Variants in LRGUK observed in about 807,000 individuals in gnomAD.
LRGUK encodes the protein leucine rich repeats and guanylate kinase domain containing.
In LRGUK, 65 loss-of-function variants were observed where a neutral mutation model predicts 76.0. That is an observed-to-expected ratio of 0.85 (90% CI 0.70 to 1.05). The LOEUF is 1.05. LRGUK is among the 50% of genes least tolerant of loss of function. The probability of loss-of-function intolerance (pLI) is 0.00; values close to 1 mark genes in which losing one functional copy is unlikely to be tolerated. For synonymous variants in LRGUK, 268 were observed against 265.6 expected, an observed-to-expected ratio of 1.01 and a Z score of -0.09; for missense variants, 758 against 732.8, an observed-to-expected ratio of 1.03 and a Z score of -0.40.
intron 1 of LRGUK, among the ~76,000 whole-genome samples, chr7:134,130,531 C>G (rs1797256531): frequency 6.6e-6 from 1 of 152,102 alleles, no homozygotes; most frequent in Non-Finnish European, 1.5e-5. Flanking sequence ...TGTTTTTATT[C>G]TATTTTGGCT....
chr7:134,203,696 A>C (rs966864935), intron 15 of LRGUK, among the ~76,000 whole-genome samples: 1 of 152,210 alleles, frequency 6.6e-6, no homozygotes, highest in South Asian at 2.1e-4. Context: ...GACTGTGCTC[A>C]GTCTACAAAG....
At chr7:134,169,644 T>C (rs891500613) in intron 7 of LRGUK, among the ~76,000 whole-genome samples, 5 of 152,164 alleles carry the variant, frequency 3.3e-5, no homozygotes, top group Admixed American at 1.3e-4. Flanking sequence ...TTTAATCCAA[T>C]TGGGATTTAC....
intron 6 of LRGUK, among the ~76,000 whole-genome samples, chr7:134,162,987 G>A (rs1402075339): frequency 6.6e-6 from 1 of 152,160 alleles, no homozygotes; most frequent in Non-Finnish European, 1.5e-5. Flanking sequence ...AATGTATGTG[G>A]GGATTATAAT....
chr7:134,187,612 T>C (rs184539800), intron 11 of LRGUK, among the ~76,000 whole-genome samples: 1 of 152,338 alleles, frequency 6.6e-6, no homozygotes, highest in African/African-American at 2.4e-5. Context: ...TTTAGAAATA[T>C]GTTGAATGTT....
At chr7:134,141,316 C>T (rs1477139814) in intron 3 of LRGUK, among the ~76,000 whole-genome samples, 1 of 152,220 alleles carries the variant, frequency 6.6e-6, no homozygotes, top group Non-Finnish European at 1.5e-5. Flanking sequence ...TTCTGGGCCC[C>T]ACTCTCAGGG....
chr7:134,144,312 T>C (rs1797884563), intron 4 of LRGUK, among the ~76,000 whole-genome samples: 2 of 152,178 alleles, frequency 1.3e-5, no homozygotes, highest in African/African-American at 4.8e-5. Flanking sequence ...ACTTTTTTGG[T>C]ATTTTTTGTA....
At chr7:134,144,863 G>A (rs995182958) in intron 4 of LRGUK, among the ~76,000 whole-genome samples, 1 of 152,120 alleles carries the variant, frequency 6.6e-6, no homozygotes. Flanking sequence ...GTGTGGGGCC[G>A]CATCGTCTTG....
intron 1 of LRGUK, among the ~76,000 whole-genome samples, chr7:134,135,227 A>C (rs1457743524): frequency 1.3e-5 from 2 of 152,190 alleles, no homozygotes; most frequent in Non-Finnish European, 2.9e-5. Context: ...TTAGGGAATG[A>C]ATAGTCCCTT....
At chr7:134,244,770 A>C (rs553585870) in intron 16 of LRGUK, among the ~76,000 whole-genome samples, 2,822 of 152,296 alleles carry the variant, frequency 0.019, 101 homozygotes, top group African/African-American at 0.066. Flanking sequence ...TTATTGCGGC[A>C]CTATTCACAA....
chr7:134,248,934 T>TTA lies in LRGUK; in HGVS notation c.2073-17_2073-16insTA. The stretch of plus-strand genomic sequence containing the variant: ...AAATCCTTTGGTTTTTTTTTTTTTT[T>TTA]AAATTTCCCATTCCAGGGGTCCAGT... On this transcript the variant is annotated splice_polypyrimidine_tract_variant and intron_variant, in intron 17 of 19. Transcript: ENST00000285928. 7.0e-7 allele frequency: 1 copy of TTA among 1,428,502 alleles called. No individual in the cohort carries two copies. The highest frequency in any genetic ancestry group is 1.6e-5 in the South Asian group (1 of 61,874). 88.5% of individuals were successfully genotyped at this position (1,428,502 alleles called of 1,614,324 possible).
chr7:134,232,288 T>A (rs545565617), intron 16 of LRGUK, among the ~76,000 whole-genome samples: 41 of 152,224 alleles, frequency 2.7e-4, no homozygotes, highest in Middle Eastern at 3.4e-3. Context: ...TAATTTATTT[T>A]TTTTTTTTGA....
intron 10 of LRGUK, among the ~76,000 whole-genome samples, chr7:134,182,844 C>G (rs1799813737): frequency 6.6e-6 from 1 of 152,178 alleles, no homozygotes; most frequent in Admixed American, 6.5e-5. Context: ...TCACTGTAAC[C>G]TCCATCTCCT....
intron 5 of LRGUK, among the ~76,000 whole-genome samples, chr7:134,152,014 A>G (rs1484354168): frequency 6.6e-6 from 1 of 152,050 alleles, no homozygotes; most frequent in Non-Finnish European, 1.5e-5. Flanking sequence ...ACTTCAACCC[A>G]TCATTATTTT....
intron 16 of LRGUK, among the ~76,000 whole-genome samples, chr7:134,234,429 T>C (rs1801970637): frequency 6.6e-6 from 1 of 152,144 alleles, no homozygotes. Context: ...GACAAAGGAA[T>C]GATTTGTGAT....
At chr7:134,202,339 A>T (rs904111956) in intron 15 of LRGUK, among the ~76,000 whole-genome samples, 3 of 152,128 alleles carry the variant, frequency 2.0e-5, no homozygotes, top group African/African-American at 7.2e-5. Context: ...ACAGAAATTA[A>T]CAGGTGTTGG....
At chr7:134,259,218 G>T (rs1802659900) in intron 19 of LRGUK, among the ~76,000 whole-genome samples, 1 of 152,132 alleles carries the variant, frequency 6.6e-6, no homozygotes, top group African/African-American at 2.4e-5. Context: ...GAGGCAGAAT[G>T]GCCATTGCAC....
At chr7:134,131,180 A>C (rs1797289206) in intron 1 of LRGUK, among the ~76,000 whole-genome samples, 1 of 152,242 alleles carries the variant, frequency 6.6e-6, no homozygotes, top group Non-Finnish European at 1.5e-5. Flanking sequence ...TATATGGGTA[A>C]TAATACCTAC....
intron 15 of LRGUK, 23 bp downstream of exon 15, chr7:134,201,599 C>G: frequency 6.4e-7 from 1 of 1,568,038 alleles, no homozygotes; most frequent in Non-Finnish European, 8.7e-7. Flanking sequence ...CATTTTTGTG[C>G]CAGGATTTTT....
intron 15 of LRGUK, among the ~76,000 whole-genome samples, chr7:134,205,418 C>T (rs1357814521): frequency 6.6e-6 from 1 of 152,192 alleles, no homozygotes; most frequent in African/African-American, 2.4e-5. Context: ...GAGTCACCAT[C>T]ATGTGCCCAG....
Sources: allele counts gnomAD v4.1 joint callset (sites outside exome capture counted in the v4.1 genomes callset), GRCh38; gene constraint gnomAD v4.1.1; transcripts MANE v1.5; gene names NCBI Gene and HGNC (gene_info 2026-07-23, HGNC 2026-07-21).